The following PEBP4 variants were observed in gnomAD, a reference collection of about 807,000 sequenced individuals.
PEBP4 encodes phosphatidylethanolamine binding protein 4.
A neutral mutation model predicts 23.9 loss-of-function variants in PEBP4; 22 were observed. The ratio of observed to expected loss-of-function variants is 0.92; its 90% confidence interval spans 0.66 to 1.31. The LOEUF is 1.31. Among genes scored for constraint, PEBP4 ranks in the 40% most tolerant of loss-of-function variants. PEBP4 has a pLI of 0.00. For missense variants in PEBP4, 324 were observed against 281.7 expected (o/e 1.15, Z -1.07); for synonymous variants, 112 against 99.3 (o/e 1.13, Z -0.76).
At chr8:22,754,699 G>C (rs1172186506) in intron 4 of PEBP4, 2 of 152,240 alleles carry the variant, frequency 1.3e-5, no homozygotes, top group East Asian at 3.8e-4. Flanking sequence ...TCATCTGCCT[G>C]ATATTGAGCC....
intron 4 of PEBP4, among the ~76,000 whole-genome samples, chr8:22,765,867 A>G (rs112292270): frequency 6.9e-6 from 1 of 145,740 alleles, no homozygotes; most frequent in Non-Finnish European, 1.5e-5. Flanking sequence ...GTGGATCACC[A>G]CCATTCATGG....
intron 3 of PEBP4, among the ~76,000 whole-genome samples, chr8:22,849,371 C>G (rs1807504876): frequency 6.6e-6 from 1 of 152,142 alleles, no homozygotes; most frequent in Non-Finnish European, 1.5e-5. Context: ...ATGTGCTTTA[C>G]AGTATAGACA....
intron 4 of PEBP4, among the ~76,000 whole-genome samples, chr8:22,732,163 A>G (rs1445138037): frequency 3.3e-5 from 5 of 151,972 alleles, no homozygotes; most frequent in Non-Finnish European, 7.4e-5. Flanking sequence ...TAAGTTTGGG[A>G]CTGGAGGGCC....
At chr8:22,836,568 G>T (rs1563232140) in intron 3 of PEBP4, among the ~76,000 whole-genome samples, 1 of 152,212 alleles carries the variant, frequency 6.6e-6, no homozygotes, top group Non-Finnish European at 1.5e-5. Context: ...TAGAGCATCT[G>T]CCCACTCAAG....
chr8:22,807,592 T>C (rs1294315573), intron 4 of PEBP4, among the ~76,000 whole-genome samples: 1 of 152,192 alleles, frequency 6.6e-6, no homozygotes, highest in Admixed American at 6.5e-5. Flanking sequence ...CATCTTGTCT[T>C]TTAATTTATG....
At chr8:22,859,113 T>C (rs1807713527) in intron 3 of PEBP4, among the ~76,000 whole-genome samples, 1 of 152,240 alleles carries the variant, frequency 6.6e-6, no homozygotes, top group African/African-American at 2.4e-5. Flanking sequence ...AGCTCATTTC[T>C]ACTTTCAATA....
At chr8:22,746,101 A>G (rs1805110024) in intron 4 of PEBP4, among the ~76,000 whole-genome samples, 2 of 149,008 alleles carry the variant, frequency 1.3e-5, no homozygotes. Context: ...AAGCCTTTTC[A>G]TATTACTATA....
chr8:22,838,997 C>T (rs1412225069), intron 3 of PEBP4, among the ~76,000 whole-genome samples: 1 of 152,192 alleles, frequency 6.6e-6, no homozygotes, highest in African/African-American at 2.4e-5. Flanking sequence ...GTTGTACAGA[C>T]CATGCCTTCG....
At chr8:22,733,187 T>G (rs1804775055) in intron 4 of PEBP4, among the ~76,000 whole-genome samples, 2 of 152,326 alleles carry the variant, frequency 1.3e-5, no homozygotes, top group East Asian at 1.9e-4. Flanking sequence ...CCACAGAAGC[T>G]TCAGCTCCTC....
upstream of PEBP4, among the ~76,000 whole-genome samples, chr8:22,931,606 G>A (rs1809458291): frequency 6.6e-6 from 1 of 151,782 alleles, no homozygotes; most frequent in African/African-American, 2.4e-5. Flanking sequence ...TTTGTTTTTA[G>A]GTGGAGTCTC....
intron 1 of PEBP4, among the ~76,000 whole-genome samples, chr8:22,935,323 C>G (rs528670345): frequency 6.6e-6 from 1 of 152,072 alleles, no homozygotes; most frequent in South Asian, 2.1e-4. Flanking sequence ...GAGTTCAAGA[C>G]CAGCCTGGCC....
At chr8:22,826,299 T>C (rs1806967261) in intron 3 of PEBP4, among the ~76,000 whole-genome samples, 1 of 152,242 alleles carries the variant, frequency 6.6e-6, no homozygotes, top group African/African-American at 2.4e-5. Flanking sequence ...CAGCACACTC[T>C]GCCGGCAAGG....
intron 3 of PEBP4, among the ~76,000 whole-genome samples, chr8:22,881,844 T>C (rs1020306578): frequency 7.9e-5 from 12 of 152,224 alleles, no homozygotes; most frequent in Non-Finnish European, 1.5e-4. Flanking sequence ...GTGGGGACTA[T>C]TGACTTAACC....
chr8:22,780,827 T>C (rs926344144), intron 4 of PEBP4, among the ~76,000 whole-genome samples: 3 of 152,220 alleles, frequency 2.0e-5, no homozygotes, highest in Admixed American at 1.3e-4. Context: ...TCTCTAGGGT[T>C]GCTTCTGGCT....
At chr8:22,864,917 C>A (rs949177053) in intron 3 of PEBP4, among the ~76,000 whole-genome samples, 11 of 152,172 alleles carry the variant, frequency 7.2e-5, no homozygotes, top group Admixed American at 4.6e-4. Context: ...GGCAGGGGAC[C>A]CAGGGCGGGA....
At chr8:22,719,475 G>A (rs113177505) in intron 6 of PEBP4, among the ~76,000 whole-genome samples, 49 of 152,214 alleles carry the variant, frequency 3.2e-4, no homozygotes, top group Middle Eastern at 3.2e-3. Context: ...AGCCAGGGAG[G>A]GGGTGTGTGC....
In PEBP4 at chr8:22,740,806, C is replaced by T. The variant is rs1440158788; in HGVS notation, c.358-13586G>A. On this transcript the variant is annotated intron_variant, in intron 4 of 6. Transcript: ENST00000256404. The stretch of plus-strand genomic sequence containing the variant: ...GCCAGACCTGAGAAGGAGGGAGGCA[C>T]AGCCCTTTCCCTTCACCCCTGCTTA... Among the ~76,000 whole-genome samples the T allele has an allele frequency of 3.3e-5, 5 of 152,172 alleles. No individual in the cohort carries two copies. In the South Asian group the frequency reaches 8.3e-4, roughly 25 times the overall value.
intron 3 of PEBP4, among the ~76,000 whole-genome samples, chr8:22,912,744 G>A (rs1206170592): frequency 6.6e-6 from 1 of 152,188 alleles, no homozygotes; most frequent in Non-Finnish European, 1.5e-5. Flanking sequence ...CTTTCACCCA[G>A]TCCAGTTGCA....
chr8:22,719,244 C>T (rs997336145), intron 6 of PEBP4, among the ~76,000 whole-genome samples: 1 of 152,198 alleles, frequency 6.6e-6, no homozygotes, highest in Admixed American at 6.5e-5. Flanking sequence ...CCAAGCCTCT[C>T]TTGCCCGTTA....
Sources: allele counts gnomAD v4.1 joint callset (sites outside exome capture counted in the v4.1 genomes callset), GRCh38; gene constraint gnomAD v4.1.1; transcripts MANE v1.5; gene names NCBI Gene and HGNC (gene_info 2026-07-23, HGNC 2026-07-21).